Variants in TCF7L2 observed in about 807,000 individuals in gnomAD.
TCF7L2 encodes transcription factor 7-like 2.
In TCF7L2, 23 loss-of-function variants were observed where a neutral mutation model predicts 77.9. The ratio of observed to expected loss-of-function variants is 0.30; its 90% confidence interval spans 0.21 to 0.42. TCF7L2 has a LOEUF of 0.42. Ranked by LOEUF, TCF7L2 falls within the 10% of genes least tolerant of loss-of-function variation. The pLI, the probability that TCF7L2 is intolerant of heterozygous loss-of-function variation, is 1.00. For synonymous variants in TCF7L2, 413 were observed against 340.2 expected (o/e 1.21, Z -2.36); for missense variants, 654 against 793.1 (o/e 0.82, Z 2.11).
chr10:113,159,844 C>CGCCCT (rs61090097), intron 12 of TCF7L2, 76 bp from the exon 14 acceptor site: 1 of 77,510 alleles, frequency 1.3e-5, no homozygotes, highest in East Asian at 3.5e-4. Context: ...CCCCCCCCCC[C>CGCCCT]CTCTTTCTCT....
At chr10:113,009,034 C>A (rs1280423647) in intron 4 of TCF7L2, among the ~76,000 whole-genome samples, 1 of 152,174 alleles carries the variant, frequency 6.6e-6, no homozygotes, top group African/African-American at 2.4e-5. Flanking sequence ...GTTCTGGGTT[C>A]AAGCGATCCT....
chr10:113,070,199 T>C (rs2057783622), intron 5 of TCF7L2, among the ~76,000 whole-genome samples: 1 of 149,320 alleles, frequency 6.7e-6, no homozygotes, highest in African/African-American at 2.5e-5. Flanking sequence ...GAGGTTGCAG[T>C]GAGCCGAGAT....
intron 4 of TCF7L2, among the ~76,000 whole-genome samples, chr10:112,990,164 CAT>C (rs1414682743): frequency 6.6e-6 from 1 of 152,170 alleles, no homozygotes; most frequent in Non-Finnish European, 1.5e-5. Context: ...GAATTAGACA[CAT>C]AGCAGTGGGG....
intron 13 of TCF7L2, chr10:113,161,253 G>A (rs764184357): frequency 5.4e-6 from 2 of 370,498 alleles, no homozygotes; most frequent in East Asian, 4.9e-5. Flanking sequence ...AAAAAGAAGC[G>A]TGGCATTGAA....
Position 113,166,051 on chromosome 10 carries a change from A to C in TCF7L2, c.*79A>C. The stretch of plus-strand genomic sequence containing the variant: ...AATTTGCCCCCCACCCCCACCTTGA[A>C]AGGTTTTGTTTTGTACTCTCTTAAT... On this transcript the variant is annotated 3_prime_UTR_variant, in exon 14 of 14. Coordinates refer to ENST00000627217, the MANE Select transcript of TCF7L2 (RefSeq NM_001146274.2). 1 of 1,370,580 alleles carries C rather than the reference A, an allele frequency of 7.3e-7. No individual in the cohort carries two copies. The highest frequency in any genetic ancestry group is 1.5e-5 in the African/African-American group (1 of 67,576). 84.9% of individuals were successfully genotyped at this position (1,370,580 alleles called of 1,614,324 possible).
intron 5 of TCF7L2, among the ~76,000 whole-genome samples, chr10:113,132,257 T>C (rs1346746155): frequency 6.6e-6 from 1 of 152,244 alleles, no homozygotes; most frequent in Non-Finnish European, 1.5e-5. Flanking sequence ...AACAGCTGTT[T>C]CTTGAGCTTT....
intron 13 of TCF7L2, among the ~76,000 whole-genome samples, chr10:113,164,622 A>T (rs2137597278): frequency 6.6e-6 from 1 of 151,558 alleles, no homozygotes; most frequent in East Asian, 1.9e-4. Context: ...ATCAAGTTTG[A>T]ATCTTAATTT....
At chr10:113,080,007 T>G (rs958441231) in intron 5 of TCF7L2, among the ~76,000 whole-genome samples, 3 of 151,932 alleles carry the variant, frequency 2.0e-5, no homozygotes, top group South Asian at 4.2e-4. Flanking sequence ...GGTTGACCCC[T>G]GCATCTTATG....
intron 4 of TCF7L2, among the ~76,000 whole-genome samples, chr10:112,996,508 C>T (rs1385008402): frequency 6.6e-6 from 1 of 152,172 alleles, no homozygotes; most frequent in Non-Finnish European, 1.5e-5. Flanking sequence ...ACCAGGGCCC[C>T]CCTCACCTTG....
intron 5 of TCF7L2, among the ~76,000 whole-genome samples, chr10:113,082,142 T>TC (rs1041368491): frequency 2.6e-5 from 4 of 151,912 alleles, no homozygotes; most frequent in African/African-American, 9.7e-5. Flanking sequence ...TTTTTTTTTT[T>TC]TTTTTGCGTG....
chr10:113,085,155 C>G (rs116324543), intron 5 of TCF7L2, among the ~76,000 whole-genome samples: 229 of 151,936 alleles, frequency 1.5e-3, no homozygotes, highest in African/African-American at 5.3e-3. Context: ...CAGCCTTGAT[C>G]TTCCAGGCTT....
chr10:112,986,439 A>T (rs1304176284), intron 4 of TCF7L2, among the ~76,000 whole-genome samples: 2 of 152,192 alleles, frequency 1.3e-5, no homozygotes, highest in Admixed American at 1.3e-4. Context: ...TGGATTTCTC[A>T]TGCTTTATCT....
intron 5 of TCF7L2, among the ~76,000 whole-genome samples, chr10:113,104,773 A>G (rs750057755): frequency 3.3e-5 from 5 of 152,170 alleles, no homozygotes. Context: ...AAGGAACACA[A>G]TTCTACTCTT....
At chr10:112,964,749 T>C in intron 4 of TCF7L2, 125 bp downstream of exon 4, 1 of 706,170 alleles carries the variant, frequency 1.4e-6, no homozygotes, top group Non-Finnish European at 2.1e-6. Flanking sequence ...ATGGTGGTGG[T>C]GGTGGTGGTG....
intron 5 of TCF7L2, among the ~76,000 whole-genome samples, chr10:113,086,761 GAAAA>G (rs869063686): frequency 1.0e-5 from 1 of 96,320 alleles, no homozygotes; most frequent in Non-Finnish European, 2.0e-5. Flanking sequence ...GACTCAAAAG[GAAAA>G]AAAAAAAAAA....
intron 5 of TCF7L2, among the ~76,000 whole-genome samples, chr10:113,054,436 C>T (rs1212179570): frequency 1.3e-5 from 2 of 152,198 alleles, no homozygotes; most frequent in East Asian, 3.8e-4. Context: ...GTGTCTATCT[C>T]AAAGTTTGTC....
At chr10:113,051,264 C>A (rs1207793223) in intron 5 of TCF7L2, among the ~76,000 whole-genome samples, 1 of 151,382 alleles carries the variant, frequency 6.6e-6, no homozygotes. Flanking sequence ...TATGCACACA[C>A]CCCGACTCAA....
At chr10:112,951,045 G>A (rs1227823228) in intron 1 of TCF7L2, 100 bp downstream of exon 1, 1 of 1,442,640 alleles carries the variant, frequency 6.9e-7, no homozygotes, top group African/African-American at 1.5e-5. Context: ...GCGGCGGCGG[G>A]GCCCGGCGGG....
intron 5 of TCF7L2, among the ~76,000 whole-genome samples, chr10:113,104,262 C>T (rs1170714554): frequency 6.6e-6 from 1 of 152,202 alleles, no homozygotes; most frequent in Non-Finnish European, 1.5e-5. Context: ...CCACTTAAAC[C>T]ACACTGCTTT....
Sources: allele counts gnomAD v4.1 joint callset (sites outside exome capture counted in the v4.1 genomes callset), GRCh38; gene constraint gnomAD v4.1.1; transcripts MANE v1.5; gene names NCBI Gene and HGNC (gene_info 2026-07-23, HGNC 2026-07-21).